Variants in PRKN observed in about 807,000 individuals in gnomAD.
PRKN encodes the protein E3 ubiquitin-protein ligase parkin.
A neutral mutation model predicts 59.5 loss-of-function variants in PRKN; 56 were observed. The ratio of observed to expected loss-of-function variants is 0.94; its 90% CI spans 0.76 to 1.18. PRKN has a LOEUF of 1.18. Among genes scored for constraint, PRKN ranks in the 50% most tolerant of loss-of-function variants. The pLI is 0.00. For synonymous variants in PRKN, 250 were observed against 222.1 expected (o/e 1.13, Z -1.12); for missense variants, 657 against 596.4 (o/e 1.10, Z -1.06).
chr6:162,115,889 C>A (rs1780650701), intron 4 of PRKN, among the ~76,000 whole-genome samples: 1 of 152,118 alleles, frequency 6.6e-6, no homozygotes, highest in African/African-American at 2.4e-5. Flanking sequence ...TCTGAGTTAT[C>A]CATTTATTTT....
chr6:162,157,154 C>T (rs747751657), intron 4 of PRKN, among the ~76,000 whole-genome samples: 7 of 151,892 alleles, frequency 4.6e-5, no homozygotes, highest in Non-Finnish European at 7.4e-5. Flanking sequence ...TTCCTAATCT[C>T]GGATTACCTT....
At chr6:161,775,256 T>C (rs1408548315) in intron 7 of PRKN, among the ~76,000 whole-genome samples, 1 of 152,188 alleles carries the variant, frequency 6.6e-6, no homozygotes, top group Non-Finnish European at 1.5e-5. Context: ...AATTCTTTTT[T>C]TTTTAAGACA....
At chr6:162,282,517 T>C (rs994039893) in intron 2 of PRKN, among the ~76,000 whole-genome samples, 9 of 152,222 alleles carry the variant, frequency 5.9e-5, no homozygotes, top group African/African-American at 1.4e-4. Flanking sequence ...TAGATGTACA[T>C]GCAGAAATTC....
intron 6 of PRKN, among the ~76,000 whole-genome samples, chr6:161,920,384 A>C (rs1346257752): frequency 6.6e-6 from 1 of 151,848 alleles, no homozygotes; most frequent in African/African-American, 2.4e-5. Flanking sequence ...ACTCTACCAG[A>C]AAAAATAAAA....
At chr6:162,712,506 G>A (rs560553899) in intron 1 of PRKN, among the ~76,000 whole-genome samples, 2 of 152,302 alleles carry the variant, frequency 1.3e-5, no homozygotes, top group African/African-American at 4.8e-5. Flanking sequence ...CAGGGGCAAA[G>A]GAACTAGAGT....
At chr6:162,626,830 A>T (rs956297486) in intron 1 of PRKN, among the ~76,000 whole-genome samples, 2 of 137,012 alleles carry the variant, frequency 1.5e-5, no homozygotes, top group African/African-American at 2.9e-5. Flanking sequence ...AAAAAAAAAA[A>T]TTTAACTGAG....
At position 162,001,280 on chromosome 6, in the gene PRKN, GGCTATTTCTCC is replaced by G. The variant is rs1229395087; in HGVS notation, c.619-27874_619-27864del. Among the ~76,000 whole-genome samples the G allele has an allele frequency of 1.4e-3, 218 of 151,950 alleles. 1 individual carries two copies. Among genetic ancestry groups the G allele is most frequent in the African/African-American group, 5.0e-3 (207 of 41,472 alleles). ...TTGAGTCCTCCTATCCATGAACACG[GGCTATTTCTCC>G]ATTTATTTAGTTAATTTCTTTCATC... On this transcript the variant is annotated intron_variant, in intron 5 of 11. Coordinates refer to ENST00000366898, the MANE Select transcript of PRKN (RefSeq NM_004562.3).
In PRKN at chr6:161,471,651, A is replaced by G. The variant is rs1790794993; in HGVS notation, c.1083+77203T>C. ...GGAAACAGAATCAGGATTCAAAAAC[A>G]TCCCCCCACCGTCTGACATCACTGG... On this transcript the variant is annotated intron_variant, in intron 9 of 11. Coordinates refer to ENST00000366898, the MANE Select transcript of PRKN (RefSeq NM_004562.3). This position sits in a 1 kb window ranked among gnomAD's most constrained non-coding sequence, Gnocchi z 4.5. Among the ~76,000 whole-genome samples the G allele has an allele frequency of 6.6e-6, 1 of 152,198 alleles. No homozygotes were observed.
intron 2 of PRKN, among the ~76,000 whole-genome samples, chr6:162,379,190 A>G (rs1786288605): frequency 6.7e-6 from 1 of 149,798 alleles, no homozygotes; most frequent in South Asian, 2.1e-4. Context: ...GATTTTAAGA[A>G]CTGTTGAATT....
At position 161,977,541 on chromosome 6, in the gene PRKN, G is replaced by GTTTTTTTTTTTTTTTTTT. The variant is rs1562433349; in HGVS notation, c.619-4125_619-4124insAAAAAAAAAAAAAAAAAA. Among the ~76,000 whole-genome samples the GTTTTTTTTTTTTTTTTTT allele has an allele frequency of 3.0e-5, 3 of 98,714 alleles. 1 individual carries two copies. Among genetic ancestry groups the GTTTTTTTTTTTTTTTTTT allele is most frequent in the African/African-American group, 4.6e-5 (1 of 21,650 alleles). 64.8% of individuals were successfully genotyped at this position (98,714 alleles called of 152,430 possible). On this transcript the variant is annotated intron_variant, in intron 5 of 11. Coordinates refer to ENST00000366898, the MANE Select transcript of PRKN (RefSeq NM_004562.3). ...TATCTTCTCTACTTTCTGTTTTTTT[G>GTTTTTTTTTTTTTTTTTT]GTTTTTTTTTTTTTTTTTTTTTTTA...
chr6:162,135,921 G>A (rs1034601449), intron 4 of PRKN, among the ~76,000 whole-genome samples: 1 of 151,806 alleles, frequency 6.6e-6, no homozygotes, highest in East Asian at 1.9e-4. Flanking sequence ...CTACAAAAGC[G>A]CTCAAAATAC....
rs117456686 is a variant in PRKN, at chr6:161,988,980, G to A, written c.619-15563C>T. ...ATACTTTAAGTTTTAGGGTACAAGCGCACAACGTGCAGGTTAGTTACATAT... is the reference window on the plus strand; with the variant it reads ...ATACTTTAAGTTTTAGGGTACAAGCACACAACGTGCAGGTTAGTTACATAT... On this transcript the variant is annotated intron_variant, in intron 5 of 11. Transcript: ENST00000366898. 7.2e-5 allele frequency among the ~76,000 whole-genome samples: 11 copies of A among 152,168 alleles called. No individual in the cohort carries two copies. The East Asian group carries it at 1.7e-3, about 24-fold the overall frequency.
intron 2 of PRKN, among the ~76,000 whole-genome samples, chr6:162,322,986 C>T (rs1783095033): frequency 6.7e-6 from 1 of 148,664 alleles, no homozygotes; most frequent in African/African-American, 2.5e-5. Context: ...AAACCAAACA[C>T]CGCATATTCT....
At chr6:161,661,672 A>G (rs1784551708) in intron 7 of PRKN, among the ~76,000 whole-genome samples, 1 of 152,134 alleles carries the variant, frequency 6.6e-6, no homozygotes, top group South Asian at 2.1e-4. Context: ...TGTACTGTAT[A>G]CAGCCACATC....
intron 4 of PRKN, among the ~76,000 whole-genome samples, chr6:162,186,643 G>A (rs2128324923): frequency 6.6e-6 from 1 of 152,286 alleles, no homozygotes; most frequent in Non-Finnish European, 1.5e-5. Flanking sequence ...GGGCATGGTG[G>A]GAGGTGGTTG....
intron 9 of PRKN, among the ~76,000 whole-genome samples, chr6:161,411,832 C>G (rs1787557560): frequency 6.8e-6 from 1 of 147,118 alleles, no homozygotes; most frequent in African/African-American, 2.5e-5. Flanking sequence ...CATTCCTCCA[C>G]TCACTCATTC....
At position 161,560,241 on chromosome 6, in the gene PRKN, T is replaced by C. The variant is rs1188733985; in HGVS notation, c.933+9114A>G. 6.6e-6 allele frequency among the ~76,000 whole-genome samples: 1 copy of C among 152,194 alleles called. No individual in the cohort carries two copies. The highest frequency in any genetic ancestry group is 6.5e-5 in the Admixed American group (1 of 15,272). Reference sequence around the variant, plus strand: ...ATCAGCCTTTTGAAAGGTTTCCCTGTCCACACTGACTTAACTGAAACTGAT... The same window carrying C: ...ATCAGCCTTTTGAAAGGTTTCCCTGCCCACACTGACTTAACTGAAACTGAT... On this transcript the variant is annotated intron_variant, in intron 8 of 11. Coordinates refer to ENST00000366898, the MANE Select transcript of PRKN (RefSeq NM_004562.3). The surrounding 1 kb of genome is among the most constrained non-coding windows in gnomAD (Gnocchi z 4.9).
chr6:162,252,340 A>G (rs1483464228), intron 3 of PRKN, among the ~76,000 whole-genome samples: 8 of 152,196 alleles, frequency 5.3e-5, no homozygotes, highest in Admixed American at 3.9e-4. Flanking sequence ...GCCTATCTGT[A>G]TATAGAATTT....
intron 6 of PRKN, among the ~76,000 whole-genome samples, chr6:161,870,429 G>C (rs1794297105): frequency 6.6e-6 from 1 of 152,170 alleles, no homozygotes; most frequent in Non-Finnish European, 1.5e-5. Flanking sequence ...AACAAAGCTA[G>C]CTGAATCTTG....
Sources: gnomAD v4.1 joint callset for allele counts (sites outside exome capture counted in the v4.1 genomes callset) on GRCh38, gnomAD v4.1.1 for gene constraint, Gnocchi (gnomAD v3.1) non-coding constraint, MANE v1.5 for transcripts, NCBI Gene and HGNC (gene_info 2026-07-23, HGNC 2026-07-21) for gene names.